ERBB4: variants seen among roughly 807,000 people sequenced by gnomAD.
ERBB4 encodes the protein erb-b2 receptor tyrosine kinase 4, also known as receptor tyrosine-protein kinase erbB-4.
A neutral mutation model predicts 158.0 loss-of-function variants in ERBB4; 42 were observed. The observed-to-expected ratio is 0.27, with a 90% CI of 0.21 to 0.34. ERBB4 has a LOEUF of 0.34. ERBB4 is among the 10% of genes least tolerant of loss of function. The probability of loss-of-function intolerance (pLI) is 1.00; values close to 1 mark genes in which losing one functional copy is unlikely to be tolerated. For missense variants in ERBB4, 1,333 were observed against 1,624.1 expected (o/e 0.82, Z 3.08); for synonymous variants, 583 against 558.7 (o/e 1.04, Z -0.61).
intron 2 of ERBB4, among the ~76,000 whole-genome samples, chr2:212,059,357 C>G (rs1238692026): frequency 3.3e-5 from 5 of 152,134 alleles, no homozygotes; most frequent in Non-Finnish European, 5.9e-5. Context: ...ATGAAAATGG[C>G]CATATTGCCC....
At chr2:212,415,623 T>G (rs1390013292) in intron 1 of ERBB4, among the ~76,000 whole-genome samples, 1 of 152,062 alleles carries the variant, frequency 6.6e-6, no homozygotes, top group African/African-American at 2.4e-5. Flanking sequence ...AGGACATATA[T>G]GTATAACCAA....
At chr2:212,441,328 C>G (rs2092249840) in intron 1 of ERBB4, among the ~76,000 whole-genome samples, 1 of 152,182 alleles carries the variant, frequency 6.6e-6, no homozygotes, top group Admixed American at 6.6e-5. Flanking sequence ...CAGTGATAGC[C>G]TTCCTGCTCT....
At chr2:212,403,072 T>C (rs1009575229) in intron 1 of ERBB4, among the ~76,000 whole-genome samples, 17 of 152,116 alleles carry the variant, frequency 1.1e-4, no homozygotes, top group African/African-American at 4.1e-4. Context: ...ACAGTTATAA[T>C]TAAATTATCT....
At chr2:211,722,921 TAA>T (rs1326550297) in intron 6 of ERBB4, among the ~76,000 whole-genome samples, 1 of 152,232 alleles carries the variant, frequency 6.6e-6, no homozygotes, top group African/African-American at 2.4e-5. Context: ...GCTGGTATTT[TAA>T]AGAGTTCCAT....
At chr2:211,722,077 G>C (rs1175606773) in intron 7 of ERBB4, among the ~76,000 whole-genome samples, 1 of 152,098 alleles carries the variant, frequency 6.6e-6, no homozygotes, top group Non-Finnish European at 1.5e-5. Flanking sequence ...TGGTCAGGCT[G>C]GTCTCGAACT....
chr2:211,935,186 T>A (rs939666726), intron 3 of ERBB4, among the ~76,000 whole-genome samples: 2 of 152,184 alleles, frequency 1.3e-5, no homozygotes, highest in African/African-American at 4.8e-5. Flanking sequence ...AGTTTACTTA[T>A]CTTCAAAATA....
At chr2:211,680,182 T>C (rs2072277093) in intron 12 of ERBB4, among the ~76,000 whole-genome samples, 1 of 152,260 alleles carries the variant, frequency 6.6e-6, no homozygotes, top group Admixed American at 6.5e-5. Context: ...TTGTTGTTGA[T>C]GGCAGAAGGG....
rs115483768 is a variant in ERBB4 at position 212,030,426 on chromosome 2, C to T, written c.235-82810G>A. Among the ~76,000 whole-genome samples, 116 of 152,216 alleles carry T rather than the reference C, an allele frequency of 7.6e-4. 2 individuals carry two copies. The highest frequency in any genetic ancestry group is 1.4e-3 in the Non-Finnish European group (92 of 68,008). ...TGGTTTAAATTTCTTTAGTTGCCTA[C>T]TTTAGTAAGCAATTAGATAAAATCC... On this transcript the variant is annotated intron_variant, in intron 2 of 27. Coordinates refer to ENST00000342788, the MANE Select transcript of ERBB4 (RefSeq NM_005235.3).
At chr2:211,655,832 T>A (rs984690916) in intron 16 of ERBB4, among the ~76,000 whole-genome samples, 3 of 152,208 alleles carry the variant, frequency 2.0e-5, no homozygotes, top group African/African-American at 7.2e-5. Flanking sequence ...GACTAACTAG[T>A]CTTGATTGTG....
chr2:211,956,242 T>C (rs982785493), intron 2 of ERBB4, among the ~76,000 whole-genome samples: 9 of 152,138 alleles, frequency 5.9e-5, no homozygotes, highest in African/African-American at 2.2e-4. Context: ...TGAAATTAGA[T>C]ACAACGCATA....
chr2:212,505,003 A>T (rs1353560261), intron 1 of ERBB4, among the ~76,000 whole-genome samples: 1 of 152,230 alleles, frequency 6.6e-6, no homozygotes, highest in Admixed American at 6.5e-5. Flanking sequence ...ATGCATTCTT[A>T]GAAAGGGATT....
chr2:212,190,854 T>G (rs1236309216), intron 1 of ERBB4, among the ~76,000 whole-genome samples: 4 of 152,168 alleles, frequency 2.6e-5, no homozygotes, highest in African/African-American at 4.8e-5. Flanking sequence ...AAACTAAATC[T>G]AGTTCCCATT....
At chr2:211,644,829 T>C (rs961436650) in intron 16 of ERBB4, among the ~76,000 whole-genome samples, 2 of 152,006 alleles carry the variant, frequency 1.3e-5, no homozygotes, top group African/African-American at 2.4e-5. Flanking sequence ...ATGAAGTATA[T>C]CTATAGACTT....
intron 1 of ERBB4, among the ~76,000 whole-genome samples, chr2:212,482,536 T>C (rs1689755392): frequency 6.6e-6 from 1 of 152,246 alleles, no homozygotes; most frequent in Admixed American, 6.5e-5. Context: ...TTGGGGATTA[T>C]GCAAGGTAAA....
chr2:211,991,091 C>T (rs998820935), intron 2 of ERBB4, among the ~76,000 whole-genome samples: 1 of 151,890 alleles, frequency 6.6e-6, no homozygotes, highest in East Asian at 1.9e-4. Context: ...CTAGTGATGT[C>T]TATAGCTGAC....
At position 211,995,342 on chromosome 2, in the gene ERBB4, C is replaced by G. The variant is rs552129578; in HGVS notation, c.235-47726G>C. On this transcript the variant is annotated intron_variant, in intron 2 of 27. Coordinates refer to ENST00000342788, the MANE Select transcript of ERBB4 (RefSeq NM_005235.3). Reference sequence around the variant, plus strand: ...TTAGAGGAACTCTAATTGATGATTGCAATAGTTCTTATGTGTAAATTCGTT... The same window carrying G: ...TTAGAGGAACTCTAATTGATGATTGGAATAGTTCTTATGTGTAAATTCGTT... Among the ~76,000 whole-genome samples, 7 of 152,260 alleles carry G rather than the reference C, an allele frequency of 4.6e-5. No homozygotes were observed. The South Asian group carries it at 1.4e-3, about 32-fold the overall frequency.
rs1489732126 is a variant in ERBB4, at chr2:212,135,271, TA to T, written c.83-10369del. On this transcript the variant is annotated intron_variant, in intron 1 of 27. Transcript: ENST00000342788. The stretch of plus-strand genomic sequence containing the variant: ...GGAAAATAACCTCATAACTGAAAAC[TA>T]AAAAAACTGATGTACCTCAAAATTA... 4.6e-5 allele frequency among the ~76,000 whole-genome samples: 7 copies of T among 152,278 alleles called. No homozygotes were observed. The East Asian group carries it at 1.4e-3, about 29-fold the overall frequency.
chr2:211,767,193 T>C (rs1446061850), intron 4 of ERBB4, among the ~76,000 whole-genome samples: 1 of 152,228 alleles, frequency 6.6e-6, no homozygotes, highest in Non-Finnish European at 1.5e-5. Flanking sequence ...TTCCCAATTC[T>C]TTGTTCAAAA....
chr2:211,697,163 T>G (rs1411283520), intron 12 of ERBB4, among the ~76,000 whole-genome samples: 1 of 152,190 alleles, frequency 6.6e-6, no homozygotes, highest in East Asian at 1.9e-4. Flanking sequence ...TTGTAATAAC[T>G]AAATTAAACA....
Sources: allele counts gnomAD v4.1 joint callset (sites outside exome capture counted in the v4.1 genomes callset), GRCh38; gene constraint gnomAD v4.1.1; transcripts MANE v1.5; gene names NCBI Gene and HGNC (gene_info 2026-07-23, HGNC 2026-07-21).